The following SLC2A13 variants were observed in gnomAD, a reference collection of about 807,000 sequenced individuals.
The protein encoded by SLC2A13 is proton myo-inositol cotransporter.
Under a neutral mutation model 64.4 loss-of-function variants are expected in SLC2A13, and 32 were observed. That is an observed-to-expected ratio of 0.50 (90% CI 0.37 to 0.67). SLC2A13 has a LOEUF of 0.67. Among genes scored for constraint, SLC2A13 ranks in the 30% least tolerant of loss-of-function variants. SLC2A13 has a pLI of 0.00. For missense variants in SLC2A13, 743 were observed against 829.2 expected, an observed-to-expected ratio of 0.90 and a Z score of 1.28; for synonymous variants, 338 against 327.1, an observed-to-expected ratio of 1.03 and a Z score of -0.36.
At chr12:39,829,988 A>T in intron 7 of SLC2A13, 115 bp downstream of exon 7, 1 of 1,255,402 alleles carries the variant, frequency 8.0e-7, no homozygotes, top group Non-Finnish European at 1.1e-6. Flanking sequence ...AAAGTAATGT[A>T]GTTATGAAGG....
intron 2 of SLC2A13, among the ~76,000 whole-genome samples, chr12:40,034,948 T>C (rs1340993029): frequency 6.6e-6 from 1 of 152,152 alleles, no homozygotes; most frequent in Non-Finnish European, 1.5e-5. Flanking sequence ...CTGAGCATCA[T>C]GAATAAACTT....
At chr12:39,979,264 G>A (rs1190437767) in intron 3 of SLC2A13, among the ~76,000 whole-genome samples, 7 of 136,812 alleles carry the variant, frequency 5.1e-5, no homozygotes, top group East Asian at 2.2e-4. Flanking sequence ...AACGCAGAGC[G>A]CCTCTCCTCC....
intron 4 of SLC2A13, among the ~76,000 whole-genome samples, chr12:39,916,600 T>C: frequency 6.6e-6 from 1 of 152,122 alleles, no homozygotes; most frequent in East Asian, 1.9e-4. Flanking sequence ...ATTAATCTCA[T>C]TTTTGATAAA....
chr12:39,894,214 AG>A (rs147540539), intron 4 of SLC2A13, among the ~76,000 whole-genome samples: 1,914 of 152,356 alleles, frequency 0.013, 20 homozygotes, highest in Middle Eastern at 0.068. Flanking sequence ...AGTGTCTTCA[AG>A]TTGTCCTTAG....
intron 3 of SLC2A13, among the ~76,000 whole-genome samples, chr12:39,961,069 GT>G (rs896098910): frequency 1.4e-5 from 2 of 147,148 alleles, no homozygotes; most frequent in African/African-American, 2.5e-5. Flanking sequence ...TAAAGAGAAT[GT>G]TTTTTTCTTT....
At chr12:40,029,837 C>T (rs918850293) in intron 2 of SLC2A13, among the ~76,000 whole-genome samples, 4 of 152,138 alleles carry the variant, frequency 2.6e-5, no homozygotes, top group South Asian at 2.1e-4. Flanking sequence ...AGGTGTCTTA[C>T]GCTTTAGGCC....
At chr12:39,878,913 T>G (rs553353569) in intron 4 of SLC2A13, among the ~76,000 whole-genome samples, 2 of 152,314 alleles carry the variant, frequency 1.3e-5, no homozygotes, top group East Asian at 3.9e-4. Context: ...CCCAGAGGCC[T>G]AGGAGTATAG....
At chr12:39,807,653 C>G (rs183922716) in intron 7 of SLC2A13, among the ~76,000 whole-genome samples, 3 of 152,084 alleles carry the variant, frequency 2.0e-5, no homozygotes, top group African/African-American at 7.2e-5. Flanking sequence ...AAAATGGATA[C>G]ATGATTTAGT....
intron 6 of SLC2A13, among the ~76,000 whole-genome samples, chr12:39,847,125 T>A (rs1943339611): frequency 6.6e-6 from 1 of 152,200 alleles, no homozygotes; most frequent in Admixed American, 6.6e-5. Flanking sequence ...AGACTTCTAA[T>A]GAGCACAGAG....
chr12:40,002,306 A>AAC (rs1268817997), intron 3 of SLC2A13, among the ~76,000 whole-genome samples: 60 of 152,336 alleles, frequency 3.9e-4, no homozygotes, highest in African/African-American at 1.4e-3. Context: ...GAAGTTAAGT[A>AAC]ATGTATCCAA....
chr12:39,962,762 T>C (rs1946437615), intron 3 of SLC2A13, among the ~76,000 whole-genome samples: 2 of 152,302 alleles, frequency 1.3e-5, no homozygotes, highest in Non-Finnish European at 1.5e-5. Context: ...ATAATCAGTG[T>C]TGAATAGTAC....
intron 6 of SLC2A13, among the ~76,000 whole-genome samples, chr12:39,861,167 T>A (rs915350580): frequency 5.3e-5 from 8 of 152,226 alleles, no homozygotes; most frequent in Admixed American, 5.2e-4. Flanking sequence ...AGTACAAACA[T>A]CCCATTCTCA....
At chr12:39,875,294 G>A (rs1944154041) in intron 4 of SLC2A13, among the ~76,000 whole-genome samples, 1 of 152,026 alleles carries the variant, frequency 6.6e-6, no homozygotes, top group African/African-American at 2.4e-5. Context: ...CTGGCTGGTG[G>A]CCCCCTTCCT....
intron 1 of SLC2A13, among the ~76,000 whole-genome samples, chr12:40,062,573 A>C (rs1367902779): frequency 6.6e-6 from 1 of 152,104 alleles, no homozygotes; most frequent in Non-Finnish European, 1.5e-5. Flanking sequence ...TTTTAGGAGT[A>C]CTTTCAGCAG....
intron 4 of SLC2A13, among the ~76,000 whole-genome samples, chr12:39,931,202 C>T (rs895010298): frequency 5.3e-5 from 8 of 152,268 alleles, no homozygotes; most frequent in South Asian, 2.1e-4. Flanking sequence ...AACAATCTTG[C>T]GCCCCCTCCC....
chr12:39,762,853 C>CTT (rs1940208569), intron 9 of SLC2A13, among the ~76,000 whole-genome samples: 2 of 152,006 alleles, frequency 1.3e-5, no homozygotes, highest in Admixed American at 1.3e-4. Flanking sequence ...AAGCAACACA[C>CTT]TTTTAACTGT....
chr12:39,919,681 A>G (rs1202871985), intron 4 of SLC2A13, among the ~76,000 whole-genome samples: 3 of 152,058 alleles, frequency 2.0e-5, no homozygotes, highest in Non-Finnish European at 2.9e-5. Flanking sequence ...CACCCCCCAA[A>G]CCCACCCCAA....
intron 3 of SLC2A13, among the ~76,000 whole-genome samples, chr12:40,002,622 G>A (rs1947338446): frequency 6.6e-6 from 1 of 152,158 alleles, no homozygotes; most frequent in South Asian, 2.1e-4. Flanking sequence ...AAACTACTCA[G>A]CACATGTCAT....
chr12:39,888,831 T>C (rs925699089), intron 4 of SLC2A13, among the ~76,000 whole-genome samples: 1 of 152,196 alleles, frequency 6.6e-6, no homozygotes, highest in African/African-American at 2.4e-5. Flanking sequence ...CTTAACTCTA[T>C]ATTGTGACAC....
Sources: gnomAD v4.1 joint callset for allele counts (sites outside exome capture counted in the v4.1 genomes callset) on GRCh38, gnomAD v4.1.1 for gene constraint, MANE v1.5 for transcripts, NCBI Gene and HGNC (gene_info 2026-07-23, HGNC 2026-07-21) for gene names.